The following SLX4IP variants were observed in gnomAD, a reference collection of about 807,000 sequenced individuals.
SLX4IP encodes the protein SLX4 interacting protein, also known as protein SLX4IP.
Under a neutral mutation model 32.9 loss-of-function variants are expected in SLX4IP, and 34 were observed. The observed-to-expected ratio is 1.03, with a 90% CI of 0.79 to 1.38. The LOEUF (loss-of-function observed/expected upper bound fraction) is 1.38, where lower values mean the gene tolerates loss of function less well. Among genes scored for constraint, SLX4IP ranks in the 40% most tolerant of loss-of-function variants. The pLI is 0.00. For missense variants in SLX4IP, 444 were observed against 479.0 expected (o/e 0.93, Z 0.68); for synonymous variants, 172 against 171.7 (o/e 1.00, Z -0.01).
At chr20:10,457,293 C>G (rs898103894) in intron 1 of SLX4IP, among the ~76,000 whole-genome samples, 1 of 152,080 alleles carries the variant, frequency 6.6e-6, no homozygotes, top group Non-Finnish European at 1.5e-5. Context: ...AGACATGTCT[C>G]TCATCTTAAG....
intron 2 of SLX4IP, among the ~76,000 whole-genome samples, chr20:10,497,961 C>T (rs2122408278): frequency 6.6e-6 from 1 of 151,942 alleles, no homozygotes; most frequent in Non-Finnish European, 1.5e-5. Flanking sequence ...TACTCCTTCA[C>T]CATGGAGTCT....
chr20:10,457,630 T>C (rs2065297142), intron 1 of SLX4IP, among the ~76,000 whole-genome samples: 1 of 152,128 alleles, frequency 6.6e-6, no homozygotes, highest in South Asian at 2.1e-4. Flanking sequence ...TTGAGAATTT[T>C]TGTGTCTTCA....
rs1555805456 is a variant in SLX4IP, at chr20:10,455,579, T to TTTTATTTTTTTA, written c.-29-2590_-29-2589insTTTTATTTATTT. Among the ~76,000 whole-genome samples the TTTTATTTTTTTA allele has an allele frequency of 9.0e-5, 13 of 145,000 alleles. No homozygotes were observed. In the East Asian group the frequency reaches 2.7e-3, roughly 31 times the overall value. ...TTTTATTCCAATTGACCTGTATGTCTTTTATTTATTTATTTATTTATTTAT... is the reference window on the plus strand; with the variant it reads ...TTTTATTCCAATTGACCTGTATGTCTTTTATTTTTTTATTTATTTATTTATTTATTTATTTAT... On this transcript the variant is annotated intron_variant, in intron 1 of 7. Transcript: ENST00000334534.
intron 4 of SLX4IP, among the ~76,000 whole-genome samples, chr20:10,570,948 G>A (rs1307095015): frequency 5.3e-5 from 8 of 152,214 alleles, no homozygotes; most frequent in Non-Finnish European, 1.0e-4. Context: ...TCCCACCTCA[G>A]CCTCCCGAGT....
chr20:10,444,619 G>A (rs60748369), intron 1 of SLX4IP, among the ~76,000 whole-genome samples: 14,422 of 151,936 alleles, frequency 0.095, 757 homozygotes, highest in East Asian at 0.15. Context: ...CTCGTGATCC[G>A]CCCGCCTCAG....
chr20:10,558,621 A>G (rs557019631), intron 3 of SLX4IP, among the ~76,000 whole-genome samples: 2 of 152,206 alleles, frequency 1.3e-5, no homozygotes, highest in Admixed American at 6.5e-5. Context: ...GTATTAACAT[A>G]TGTTTATTTT....
At chr20:10,474,100 G>T (rs7352540) in intron 2 of SLX4IP, among the ~76,000 whole-genome samples, 1 of 152,178 alleles carries the variant, frequency 6.6e-6, no homozygotes, top group Non-Finnish European at 1.5e-5. Flanking sequence ...TGGGATTACA[G>T]GCGTGAGCCA....
Position 10,627,232 on chromosome 20 carries a change from C to T in SLX4IP, c.*3853C>T, listed in dbSNP as rs1239889631. 1 of 152,236 alleles carries T rather than the reference C, an allele frequency of 6.6e-6. No individual in the cohort carries two copies. The highest frequency in any genetic ancestry group is 2.4e-5 in the African/African-American group (1 of 41,548). The allele number at this position is 152,236 out of a possible 1,614,324, so 9.4% of individuals were successfully genotyped here. ...TTGAATATGGAAATCATTTTAATTT[C>T]TTCTTTTCTCTTATGGGGAAATTTC... On this transcript the variant is annotated 3_prime_UTR_variant, in exon 8 of 8. Coordinates refer to ENST00000334534, the MANE Select transcript of SLX4IP (RefSeq NM_001009608.3).
intron 1 of SLX4IP, among the ~76,000 whole-genome samples, chr20:10,446,042 A>G (rs1166361657): frequency 6.6e-6 from 1 of 151,548 alleles, no homozygotes; most frequent in African/African-American, 2.4e-5. Flanking sequence ...CCAGGGTATA[A>G]AGGTACTGCA....
In SLX4IP at chr20:10,609,520, A is replaced by G. The variant is rs544507666; in HGVS notation, c.405+7701A>G. The stretch of plus-strand genomic sequence containing the variant: ...AGCAGAATTTTGAAATGAGACAATC[A>G]TCTGTGGTGTGTTCTCTCTAGCTCT... On this transcript the variant is annotated intron_variant, in intron 6 of 7. Transcript: ENST00000334534. 3.2e-4 allele frequency among the ~76,000 whole-genome samples: 48 copies of G among 152,236 alleles called. 1 individual carries two copies. The South Asian group carries it at 9.1e-3, about 29-fold the overall frequency.
chr20:10,585,399 T>C (rs934843682), intron 4 of SLX4IP, among the ~76,000 whole-genome samples: 1 of 152,126 alleles, frequency 6.6e-6, no homozygotes, highest in Admixed American at 6.5e-5. Flanking sequence ...CTCTTGAGAG[T>C]GGTCCTGCCC....
At chr20:10,454,896 G>A (rs1057091295) in intron 1 of SLX4IP, among the ~76,000 whole-genome samples, 1 of 152,094 alleles carries the variant, frequency 6.6e-6, no homozygotes, top group African/African-American at 2.4e-5. Context: ...TCACATCCTT[G>A]CCAACATCTG....
chr20:10,487,370 C>A (rs1035490195), intron 2 of SLX4IP, among the ~76,000 whole-genome samples: 5 of 152,090 alleles, frequency 3.3e-5, no homozygotes. Flanking sequence ...TAATACAGTT[C>A]TTTGGATAGA....
chr20:10,458,082 G>A, intron 1 of SLX4IP, 94 bp from the exon 2 acceptor site: 1 of 693,538 alleles, frequency 1.4e-6, no homozygotes, highest in Non-Finnish European at 2.3e-6. Flanking sequence ...AATACCTATT[G>A]ATATTTTACT....
Position 10,512,776 on chromosome 20 carries a change from CTCTA to C in SLX4IP, c.28-43453_28-43450del, listed in dbSNP as rs1369924063. On this transcript the variant is annotated intron_variant, in intron 2 of 7. Transcript: ENST00000334534. ...TTATGTATATATATACACACACACA[CTCTA>C]TATATATATATATATATATATATAT... 3.3e-4 allele frequency among the ~76,000 whole-genome samples: 38 copies of C among 114,732 alleles called. 1 individual carries two copies. The highest frequency in any genetic ancestry group is 1.1e-3 in the African/African-American group (29 of 25,898). 75.3% of individuals were successfully genotyped at this position (114,732 alleles called of 152,430 possible). A position where few individuals can be genotyped will look rare whatever the true frequency, so the allele number is the denominator to read the frequency against.
chr20:10,499,124 T>C (rs2122410279), intron 2 of SLX4IP, among the ~76,000 whole-genome samples: 1 of 152,324 alleles, frequency 6.6e-6, no homozygotes, highest in South Asian at 2.1e-4. Flanking sequence ...ATTAACTTCT[T>C]TAATGACAAA....
intron 6 of SLX4IP, chr20:10,613,644 C>A: frequency 6.2e-7 from 1 of 1,614,062 alleles, no homozygotes; most frequent in Non-Finnish European, 8.5e-7. Context: ...TTCCTGAGCC[C>A]TCCTTTTCTT....
Position 10,458,429 on chromosome 20 carries a change from G to A in SLX4IP, c.27+198G>A, listed in dbSNP as rs143235178. Reference sequence around the variant, plus strand: ...GCAGGTTTGTTACATAGGTAAACATGTGCCACAGTGGTTTGTTGCACAGAT... The same window carrying A: ...GCAGGTTTGTTACATAGGTAAACATATGCCACAGTGGTTTGTTGCACAGAT... On this transcript the variant is annotated intron_variant, in intron 2 of 7. Transcript: ENST00000334534. Among the ~76,000 whole-genome samples, 319 of 152,068 alleles carry A rather than the reference G, an allele frequency of 2.1e-3. 3 individuals carry two copies. The highest frequency in any genetic ancestry group is 2.3e-3 in the Non-Finnish European group (159 of 67,988).
intron 2 of SLX4IP, among the ~76,000 whole-genome samples, chr20:10,549,802 G>A (rs1294186043): frequency 1.3e-5 from 2 of 152,150 alleles, no homozygotes; most frequent in African/African-American, 4.8e-5. Flanking sequence ...TGAATGCTCT[G>A]AGTAAAACTT....
Sources: allele counts gnomAD v4.1 joint callset (sites outside exome capture counted in the v4.1 genomes callset), GRCh38; gene constraint gnomAD v4.1.1; transcripts MANE v1.5; gene names NCBI Gene and HGNC (gene_info 2026-07-23, HGNC 2026-07-21).